Variants in SMOC2 observed in about 807,000 individuals in gnomAD.
SMOC2 encodes SPARC-related modular calcium-binding protein 2.
Under a neutral mutation model 61.4 loss-of-function variants are expected in SMOC2, and 39 were observed. The ratio of observed to expected loss-of-function variants is 0.64; its 90% CI spans 0.49 to 0.83. The LOEUF is 0.83. Ranked by LOEUF, SMOC2 falls within the 40% of genes least tolerant of loss-of-function variation. The probability of loss-of-function intolerance (pLI) is 0.00; values close to 1 mark genes in which losing one functional copy is unlikely to be tolerated. For synonymous variants in SMOC2, 247 were observed against 239.9 expected, an observed-to-expected ratio of 1.03 and a Z score of -0.27; for missense variants, 556 against 592.9, an observed-to-expected ratio of 0.94 and a Z score of 0.65.
At chr6:168,595,437 C>T (rs532157761) in intron 7 of SMOC2, among the ~76,000 whole-genome samples, 1 of 152,324 alleles carries the variant, frequency 6.6e-6, no homozygotes, top group South Asian at 2.1e-4. Flanking sequence ...GGACTTGTCT[C>T]CTGCCAGAGA....
chr6:168,573,425 C>T (rs866490628), intron 7 of SMOC2, among the ~76,000 whole-genome samples: 8 of 151,876 alleles, frequency 5.3e-5, no homozygotes, highest in Middle Eastern at 3.2e-3. Flanking sequence ...CTGCCCGCAT[C>T]TCCGGGTGCT....
intron 11 of SMOC2, among the ~76,000 whole-genome samples, chr6:168,659,886 A>ATGAGGGTGGAGGTTGTAGGTTGGG (rs1787457075): frequency 7.4e-6 from 1 of 135,028 alleles, no homozygotes; most frequent in African/African-American, 2.8e-5. Flanking sequence ...TGTTGGCTGG[A>ATGAGGGTGGAGGTTGTAGGTTGGG]TGAGGGTGGA....
At chr6:168,499,230 G>A (rs1052346908) in intron 1 of SMOC2, among the ~76,000 whole-genome samples, 9 of 152,214 alleles carry the variant, frequency 5.9e-5, no homozygotes, top group South Asian at 2.1e-4. Flanking sequence ...TCCATTGCCC[G>A]GGAGACGGTG....
intron 9 of SMOC2, among the ~76,000 whole-genome samples, chr6:168,623,487 T>C (rs901838688): frequency 1.4e-3 from 5 of 3,540 alleles, no homozygotes; most frequent in Non-Finnish European, 8.6e-3. Context: ...CCTGGCTTAT[T>C]TATTTATTTA....
intron 1 of SMOC2, among the ~76,000 whole-genome samples, chr6:168,459,857 G>A (rs903816162): frequency 1.3e-5 from 2 of 151,698 alleles, no homozygotes; most frequent in Non-Finnish European, 2.9e-5. Context: ...CCCTGGGCTG[G>A]GTGAGCCCGG....
chr6:168,651,379 C>A (rs9364170), intron 10 of SMOC2, among the ~76,000 whole-genome samples: 2 of 151,898 alleles, frequency 1.3e-5, no homozygotes, highest in Non-Finnish European at 2.9e-5. Context: ...GAGTGGCTTT[C>A]GGTGAATTCT....
intron 1 of SMOC2, among the ~76,000 whole-genome samples, chr6:168,507,913 A>C (rs1349162143): frequency 6.6e-6 from 1 of 152,238 alleles, no homozygotes; most frequent in Non-Finnish European, 1.5e-5. Flanking sequence ...GGTGCCGCTC[A>C]CCTGTCTCTT....
At chr6:168,524,766 C>A (rs572469461) in intron 2 of SMOC2, among the ~76,000 whole-genome samples, 52 of 152,376 alleles carry the variant, frequency 3.4e-4, no homozygotes, top group African/African-American at 1.2e-3. Flanking sequence ...TAGAATAAAG[C>A]TGAAGGCATG....
chr6:168,530,649 C>G (rs1468438287), intron 4 of SMOC2, among the ~76,000 whole-genome samples: 3 of 128,158 alleles, frequency 2.3e-5, no homozygotes, highest in Admixed American at 8.0e-5. Flanking sequence ...CCCCCCCCCC[C>G]CGCCCCCACA....
intron 9 of SMOC2, among the ~76,000 whole-genome samples, chr6:168,634,729 A>C (rs746845641): frequency 6.6e-6 from 1 of 152,212 alleles, no homozygotes; most frequent in Non-Finnish European, 1.5e-5. Context: ...TGTTATTTAA[A>C]TGTTTTCCAG....
At chr6:168,526,320 C>T (rs1180566015) in intron 2 of SMOC2, 26 bp from the exon 3 acceptor site, 2 of 1,591,408 alleles carry the variant, frequency 1.3e-6, no homozygotes, top group Admixed American at 3.3e-5. Context: ...TGCATAACCA[C>T]ACCTCTGCCC....
At chr6:168,509,321 A>G (rs999498070) in intron 1 of SMOC2, among the ~76,000 whole-genome samples, 1 of 152,230 alleles carries the variant, frequency 6.6e-6, no homozygotes, top group Non-Finnish European at 1.5e-5. Flanking sequence ...CCTCTGGGCC[A>G]TGAGGTCACT....
chr6:168,549,284 TG>T lies in SMOC2; in HGVS notation c.637+82del, dbSNP rs535509440. 1.5e-5 allele frequency: 20 copies of T among 1,344,598 alleles called. No homozygotes were observed. In the South Asian group the frequency reaches 2.1e-4, roughly 14 times the overall value. The allele number at this position is 1,344,598 out of a possible 1,614,324, so 83.3% of individuals were successfully genotyped here. On this transcript the variant is annotated intron_variant, in intron 7 of 12. Transcript: ENST00000356284. ...GATGGGGTTTTTTTTTGGAGTTAAG[TG>T]TATTGTACAGTTGACCCTTGAACAA...
chr6:168,635,885 A>AAAT (rs34631336), intron 9 of SMOC2, among the ~76,000 whole-genome samples: 1 of 151,290 alleles, frequency 6.6e-6, no homozygotes, highest in African/African-American at 2.4e-5. Flanking sequence ...AAAAAAAAAA[A>AAAT]GTTTACTGGT....
chr6:168,637,936 T>G (rs915420066), intron 9 of SMOC2, among the ~76,000 whole-genome samples: 1 of 133,630 alleles, frequency 7.5e-6, no homozygotes, highest in African/African-American at 2.6e-5. Flanking sequence ...GATGCTGAGC[T>G]GGAGCTGGAT....
chr6:168,640,796 A>C (rs1786875164), intron 9 of SMOC2, among the ~76,000 whole-genome samples: 1 of 152,244 alleles, frequency 6.6e-6, no homozygotes, highest in African/African-American at 2.4e-5. Flanking sequence ...TCTGGAAAGA[A>C]AAGTTTCTCT....
intron 11 of SMOC2, among the ~76,000 whole-genome samples, chr6:168,656,525 A>AAG (rs1554255375): frequency 2.8e-5 from 4 of 140,448 alleles, no homozygotes; most frequent in South Asian, 2.6e-4. Context: ...AAAAAAAAAA[A>AAG]AAAAAGAAAA....
At chr6:168,514,804 C>T (rs958227025) in intron 2 of SMOC2, among the ~76,000 whole-genome samples, 14 of 152,108 alleles carry the variant, frequency 9.2e-5, no homozygotes, top group Admixed American at 2.0e-4. Flanking sequence ...ATTGAAAGGC[C>T]GCGAAGAAGC....
chr6:168,464,830 C>G (rs192486733), intron 1 of SMOC2, among the ~76,000 whole-genome samples: 1 of 152,184 alleles, frequency 6.6e-6, no homozygotes, highest in Admixed American at 6.5e-5. Flanking sequence ...AAAAAAAGTG[C>G]CAGGGAGGAA....
Sources: gnomAD v4.1 joint callset for allele counts (sites outside exome capture counted in the v4.1 genomes callset) on GRCh38, gnomAD v4.1.1 for gene constraint, MANE v1.5 for transcripts, NCBI Gene and HGNC (gene_info 2026-07-23, HGNC 2026-07-21) for gene names.